The following KIF21A variants were observed in gnomAD, a reference collection of about 807,000 sequenced individuals.
The protein encoded by KIF21A is kinesin family member 21A.
A neutral mutation model predicts 202.9 loss-of-function variants in KIF21A; 114 were observed. The ratio of observed to expected loss-of-function variants is 0.56; its 90% CI spans 0.48 to 0.66. The LOEUF (loss-of-function observed/expected upper bound fraction) is 0.66. Among genes scored for constraint, KIF21A ranks in the 30% least tolerant of loss-of-function variants. The pLI, the probability that KIF21A is intolerant of heterozygous loss-of-function variation, is 0.00. For synonymous variants in KIF21A, 667 were observed against 670.8 expected (o/e 0.99, Z 0.09); for missense variants, 1,677 against 1,994.9 (o/e 0.84, Z 3.04).
At chr12:39,324,991 C>G (rs1457668878) in intron 26 of KIF21A, among the ~76,000 whole-genome samples, 1 of 152,162 alleles carries the variant, frequency 6.6e-6, no homozygotes, top group African/African-American at 2.4e-5. Flanking sequence ...CTGATATGTA[C>G]CATAGCTATC....
At chr12:39,314,482 G>A (rs1276695485) in intron 31 of KIF21A, among the ~76,000 whole-genome samples, 1 of 151,732 alleles carries the variant, frequency 6.6e-6, no homozygotes, top group African/African-American at 2.4e-5. Context: ...CAGAATAGTA[G>A]GTTGCTACTG....
chr12:39,319,400 A>C (rs545418413), intron 28 of KIF21A, among the ~76,000 whole-genome samples: 6 of 152,202 alleles, frequency 3.9e-5, no homozygotes, highest in African/African-American at 1.4e-4. Flanking sequence ...CAAAACACAC[A>C]GAAGAAACAT....
chr12:39,346,653 C>T, intron 11 of KIF21A, 149 bp from the exon 12 acceptor site: 1 of 464,406 alleles, frequency 2.2e-6, no homozygotes, highest in Non-Finnish European at 3.6e-6. Flanking sequence ...AAGGACAATA[C>T]ACAGTAAAAA....
intron 1 of KIF21A, among the ~76,000 whole-genome samples, chr12:39,377,250 T>C (rs1256325451): frequency 1.3e-5 from 2 of 152,200 alleles, no homozygotes; most frequent in Non-Finnish European, 2.9e-5. Context: ...CCTTTCTTTA[T>C]CTCATTTGTT....
rs752342490 is a variant in KIF21A at position 39,357,243 on chromosome 12, C to T, written c.1405+5G>A. The T allele has an allele frequency of 6.2e-6, 10 of 1,613,998 alleles. 2 individuals are homozygous for T. In the South Asian group the frequency reaches 9.9e-5, roughly 16 times the overall value. On this transcript the variant is annotated splice_donor_5th_base_variant and intron_variant, in intron 9 of 37. Transcript: ENST00000361418. ...TCCCTCACTTATCCCACCCTACCCA[C>T]ATACCTGCTCTGGCAAGAACATGGT... is the stretch of plus-strand genomic sequence containing the variant.
intron 1 of KIF21A, among the ~76,000 whole-genome samples, chr12:39,373,738 T>C (rs929101443): frequency 1.3e-5 from 2 of 152,216 alleles, no homozygotes; most frequent in African/African-American, 4.8e-5. Context: ...GAATTGCAGA[T>C]ACGATAGCCA....
intron 1 of KIF21A, among the ~76,000 whole-genome samples, chr12:39,386,404 C>T (rs760539892): frequency 3.9e-5 from 6 of 152,186 alleles, no homozygotes; most frequent in Non-Finnish European, 8.8e-5. Flanking sequence ...TGCTTATAGT[C>T]TGGTTGTAAT....
At chr12:39,406,205 A>C (rs540458694) in intron 1 of KIF21A, among the ~76,000 whole-genome samples, 1 of 152,336 alleles carries the variant, frequency 6.6e-6, no homozygotes, top group South Asian at 2.1e-4. Context: ...TCAAGTTTTA[A>C]CAAATTTTCA....
In KIF21A at chr12:39,443,117, G is replaced by A; in HGVS notation, c.-147C>T. On this transcript the variant is annotated 5_prime_UTR_variant, in exon 1 of 38. Coordinates refer to ENST00000361418, the MANE Select transcript of KIF21A (RefSeq NM_001173464.2). ...CCGCCGCGCTCCAGCCATGTTGGGC[G>A]ACTGAATGGAAAGGTGGCGGCGGCG... 1.3e-6 allele frequency: 1 copy of A among 770,176 alleles called. No individual in the cohort carries two copies. The highest frequency in any genetic ancestry group is 1.9e-6 in the Non-Finnish European group (1 of 528,408). The allele number at this position is 770,176 out of a possible 1,614,324, so 47.7% of individuals were successfully genotyped here. A position where few individuals can be genotyped will look rare whatever the true frequency, so the allele number is the denominator to read the frequency against.
rs375541289 is a variant in KIF21A, at chr12:39,357,374, T to C, written c.1279A>G (p.Met427Val). The C allele has an allele frequency of 1.9e-6, 3 of 1,614,024 alleles. No homozygotes were observed. Among genetic ancestry groups the C allele is most frequent in the African/African-American group, 2.7e-5 (2 of 74,942 alleles). The change falls in exon 9 of 38, where the codon ATG becomes GTG. Residue 427 changes from methionine (M) to valine (V), a missense_variant. Coordinates refer to ENST00000361418, the MANE Select transcript of KIF21A (RefSeq NM_001173464.2). Reference protein sequence around the residue: ...SINDMFHENAMLQTENNNLRV... With the variant: ...SINDMFHENAVLQTENNNLRV... ...AGGTTATTATTTTCAGTCTGTAGCA[T>C]AGCATTCTCATGAAACATGTCATTG...
chr12:39,318,276 C>T (rs923613967), intron 28 of KIF21A, 75 bp from the exon 29 acceptor site: 7 of 1,447,104 alleles, frequency 4.8e-6, no homozygotes, highest in South Asian at 1.2e-5. Context: ...AAGAAACATG[C>T]TCTTTTAAAA....
chr12:39,426,357 A>G (rs1954751409), intron 1 of KIF21A, among the ~76,000 whole-genome samples: 1 of 152,208 alleles, frequency 6.6e-6, no homozygotes, highest in Non-Finnish European at 1.5e-5. Flanking sequence ...ATATCCTTGT[A>G]TGTGTGGATG....
chr12:39,419,067 TTTG>T, intron 1 of KIF21A, among the ~76,000 whole-genome samples: 1 of 152,310 alleles, frequency 6.6e-6, no homozygotes, highest in Non-Finnish European at 1.5e-5. Context: ...AAATATAGTA[TTTG>T]TTAAGTGAAT....
intron 7 of KIF21A, among the ~76,000 whole-genome samples, chr12:39,359,271 T>C (rs1949024285): frequency 6.6e-6 from 1 of 152,222 alleles, no homozygotes; most frequent in Non-Finnish European, 1.5e-5. Flanking sequence ...GTTACTATTA[T>C]TCAACAATCA....
chr12:39,367,801 T>G, intron 4 of KIF21A, 82 bp downstream of exon 4: 1 of 1,074,174 alleles, frequency 9.3e-7, no homozygotes. Flanking sequence ...TTTCATATCT[T>G]GATCTTAAGC....
chr12:39,404,914 T>C (rs917797966), intron 1 of KIF21A, among the ~76,000 whole-genome samples: 3 of 152,130 alleles, frequency 2.0e-5, no homozygotes, highest in Non-Finnish European at 4.4e-5. Flanking sequence ...GCTGAACTAA[T>C]ACAAATTTCA....
chr12:39,318,527 A>G (rs1209659867), intron 28 of KIF21A, among the ~76,000 whole-genome samples: 1 of 152,150 alleles, frequency 6.6e-6, no homozygotes, highest in African/African-American at 2.4e-5. Context: ...GAGGAAAGAG[A>G]CCCAGAGAGC....
At chr12:39,358,548 T>C (rs1948967569) in intron 7 of KIF21A, among the ~76,000 whole-genome samples, 175 bp from the exon 8 acceptor site, 1 of 152,236 alleles carries the variant, frequency 6.6e-6, no homozygotes, top group Non-Finnish European at 1.5e-5. Flanking sequence ...TTTTGTTTAC[T>C]TTGGGGAAAT....
At chr12:39,391,920 A>G (rs1002844251) in intron 1 of KIF21A, among the ~76,000 whole-genome samples, 3 of 152,064 alleles carry the variant, frequency 2.0e-5, no homozygotes, top group African/African-American at 7.2e-5. Context: ...TTGTATTTTT[A>G]GTAGAGACGG....
Sources: gnomAD v4.1 joint callset for allele counts (sites outside exome capture counted in the v4.1 genomes callset) on GRCh38, gnomAD v4.1.1 for gene constraint, MANE v1.5 for transcripts, NCBI Gene and HGNC (gene_info 2026-07-23, HGNC 2026-07-21) for gene names.